Variants in RHOBTB2 observed in about 807,000 individuals in gnomAD.
The protein encoded by RHOBTB2 is Rho related BTB domain containing 2.
In RHOBTB2, 39 loss-of-function variants were observed where a neutral mutation model predicts 66.5. The observed-to-expected ratio is 0.59, with a 90% CI of 0.45 to 0.77. RHOBTB2 has a LOEUF of 0.77. RHOBTB2 is among the 30% of genes least tolerant of loss of function. The probability of loss-of-function intolerance (pLI) is 0.00; values close to 1 mark genes in which losing one functional copy is unlikely to be tolerated. For missense variants in RHOBTB2, 755 were observed against 999.1 expected (o/e 0.76, Z 3.29); for synonymous variants, 390 against 395.0 (o/e 0.99, Z 0.15).
upstream of RHOBTB2, chr8:22,999,492 G>GCCCCCCCC (rs1810690605): frequency 1.5e-6 from 1 of 678,306 alleles, no homozygotes; most frequent in African/African-American, 2.1e-5. Context: ...TTCTTCCCCC[G>GCCCCCCCC]CCCGCCCCCT....
At position 23,017,563 on chromosome 8, in the gene RHOBTB2, CA is replaced by C; in HGVS notation, c.*95del. On this transcript the variant is annotated 3_prime_UTR_variant, in exon 10 of 10. Coordinates refer to ENST00000251822, the MANE Select transcript of RHOBTB2 (RefSeq NM_015178.3). The surrounding 1 kb of genome is among the most constrained non-coding windows in gnomAD (Gnocchi z 5.3). ...ATCACCCCATCCACCTTACAGGGACCAGGGGGCCCACGTAACCAGGACCCAG... is the reference window on the plus strand; with the variant it reads ...ATCACCCCATCCACCTTACAGGGACCGGGGGCCCACGTAACCAGGACCCAG... 1.3e-6 allele frequency: 2 copies of C among 1,511,130 alleles called. No individual in the cohort carries two copies. Among genetic ancestry groups the C allele is most frequent in the Non-Finnish European group, 1.8e-6 (2 of 1,123,698 alleles). The allele number at this position is 1,511,130 out of a possible 1,614,324, so 93.6% of individuals were successfully genotyped here.
At chr8:22,984,924 A>G (rs1810263937), upstream of RHOBTB2, 1 of 147,606 alleles carries the variant, frequency 6.8e-6, no homozygotes, top group Non-Finnish European at 1.5e-5. Flanking sequence ...TCCATCTCAA[A>G]AAAGAAAAAG....
chr8:23,013,647 C>T (rs1304205785), intron 7 of RHOBTB2, among the ~76,000 whole-genome samples: 1 of 151,890 alleles, frequency 6.6e-6, no homozygotes, highest in Admixed American at 6.6e-5. Flanking sequence ...AGGCACGTAC[C>T]AACACACCCG....
At chr8:22,987,240 G>T (rs1810304250), upstream of RHOBTB2, among the ~76,000 whole-genome samples, 1 of 152,220 alleles carries the variant, frequency 6.6e-6, no homozygotes, top group African/African-American at 2.4e-5. Flanking sequence ...CATCAAGAAT[G>T]CTCACCTGGC....
the RHOBTB2 span, among the ~76,000 whole-genome samples, chr8:22,967,993 CAAAA>C: frequency 2.6e-5 from 4 of 152,002 alleles, no homozygotes; most frequent in Non-Finnish European, 5.9e-5. Context: ...CCCATCTCTA[CAAAA>C]ATCACAAAAA....
At chr8:23,009,780 T>G (rs1266021757) in intron 6 of RHOBTB2, among the ~76,000 whole-genome samples, 1 of 152,010 alleles carries the variant, frequency 6.6e-6, no homozygotes, top group South Asian at 2.1e-4. Flanking sequence ...GGAGTAGGAT[T>G]TGGATATACA....
the RHOBTB2 span, among the ~76,000 whole-genome samples, chr8:22,955,046 G>T: frequency 6.6e-6 from 1 of 152,266 alleles, no homozygotes; most frequent in Non-Finnish European, 1.5e-5. Flanking sequence ...CACGAGAATT[G>T]CTTGAACCAG....
chr8:23,013,773 G>A (rs1296419591), intron 7 of RHOBTB2, among the ~76,000 whole-genome samples: 8 of 152,258 alleles, frequency 5.3e-5, no homozygotes, highest in Non-Finnish European at 8.8e-5. Context: ...TGGGAGTATA[G>A]GCGTGAGCCA....
At chr8:23,005,829 G>C (rs1379511732) in intron 3 of RHOBTB2, 131 bp from the exon 4 acceptor site, 1 of 791,224 alleles carries the variant, frequency 1.3e-6, no homozygotes, top group Non-Finnish European at 2.1e-6. Context: ...TATATGTTTT[G>C]TGTCAAGAGC....
intron 9 of RHOBTB2, among the ~76,000 whole-genome samples, chr8:23,016,596 G>T (rs1279636839): frequency 4.6e-5 from 7 of 151,970 alleles, no homozygotes; most frequent in African/African-American, 1.7e-4. Flanking sequence ...TATTTTAGTA[G>T]AGACGGGGTT....
At chr8:23,002,939 G>A (rs535048503) in intron 1 of RHOBTB2, among the ~76,000 whole-genome samples, 1 of 152,294 alleles carries the variant, frequency 6.6e-6, no homozygotes, top group East Asian at 1.9e-4. Flanking sequence ...TGGATATTTC[G>A]GTCTGCATCC....
At chr8:22,996,517 GTGTGTGTGTGTGT>G (rs1810564583), upstream of RHOBTB2, among the ~76,000 whole-genome samples, 1 of 88,396 alleles carries the variant, frequency 1.1e-5, no homozygotes, top group Non-Finnish European at 2.2e-5. Flanking sequence ...GTGTGTGTGT[GTGTGTGTGTGTGT>G]GTGTGTGTGT....
At position 23,007,611 on chromosome 8, in the gene RHOBTB2, G is replaced by A. The variant is rs1165429254; in HGVS notation, c.1366G>A (p.Glu456Lys). 1.9e-6 allele frequency: 3 copies of A among 1,614,170 alleles called. No homozygotes were observed. Among genetic ancestry groups the A allele is most frequent in the Non-Finnish European group, 2.5e-6 (3 of 1,180,020 alleles). The change falls in exon 5 of 10, where the codon GAG becomes AAG. Residue 456 changes from glutamate (E) to lysine (K), a missense_variant. Glu to Lys is a moderately conservative substitution (Grantham distance 56). Coordinates refer to ENST00000251822, the MANE Select transcript of RHOBTB2 (RefSeq NM_015178.3). ...MHIAHIAELL[E>K]VFDLRMMVAN... ...CATTGCCCACATTGCTGAGCTGCTC[G>A]AGGTCTTTGATCTGCGCATGATGGT...
In RHOBTB2 at chr8:22,999,866, C is replaced by A; in HGVS notation, c.-250C>A. On this transcript the variant is annotated 5_prime_UTR_variant, in exon 1 of 10. Coordinates refer to ENST00000251822, the MANE Select transcript of RHOBTB2 (RefSeq NM_015178.3). The stretch of plus-strand genomic sequence containing the variant: ...GGCGATGCTGATCCGGAAGGGGCAG[C>A]GGCTGCAGTGCAGCGCGCGCGTCCG... The A allele has an allele frequency of 1.0e-6, 1 of 984,966 alleles. No homozygotes were observed. The highest frequency in any genetic ancestry group is 1.2e-6 in the Non-Finnish European group (1 of 829,846). 61.0% of individuals were successfully genotyped at this position (984,966 alleles called of 1,614,324 possible). A position where few individuals can be genotyped will look rare whatever the true frequency, so the allele number is the denominator to read the frequency against.
chr8:22,973,302 C>T, the RHOBTB2 span, among the ~76,000 whole-genome samples: 1 of 152,152 alleles, frequency 6.6e-6, no homozygotes, highest in African/African-American at 2.4e-5. Flanking sequence ...GATCATCGCT[C>T]ATTGCACCCT....
intron 6 of RHOBTB2, 83 bp from the exon 7 acceptor site, chr8:23,010,455 A>C: frequency 1.3e-6 from 2 of 1,491,204 alleles, no homozygotes; most frequent in Non-Finnish European, 1.8e-6. Flanking sequence ...TGTGAGGGCC[A>C]GAGCTCTTCA....
chr8:22,999,035 A>C (rs936704066), upstream of RHOBTB2: 2 of 152,148 alleles, frequency 1.3e-5, no homozygotes, highest in African/African-American at 4.8e-5. Flanking sequence ...ACAGGTACCC[A>C]CCCCACAACT....
In RHOBTB2 at chr8:22,999,870, T is replaced by G; in HGVS notation, c.-246T>G. 1.0e-6 allele frequency: 1 copy of G among 984,952 alleles called. No individual in the cohort carries two copies. The highest frequency in any genetic ancestry group is 1.2e-6 in the Non-Finnish European group (1 of 829,816). The allele number at this position is 984,952 out of a possible 1,614,324, so 61.0% of individuals were successfully genotyped here. On this transcript the variant is annotated 5_prime_UTR_variant, in exon 1 of 10. Coordinates refer to ENST00000251822, the MANE Select transcript of RHOBTB2 (RefSeq NM_015178.3). ...ATGCTGATCCGGAAGGGGCAGCGGC[T>G]GCAGTGCAGCGCGCGCGTCCGCTCC... is the stretch of plus-strand genomic sequence containing the variant.
chr8:22,955,300 C>T, the RHOBTB2 span, among the ~76,000 whole-genome samples: 12 of 152,132 alleles, frequency 7.9e-5, no homozygotes, highest in Non-Finnish European at 1.5e-4. Context: ...CAAATGACTC[C>T]GCACTGCAGT....
Sources: allele counts gnomAD v4.1 joint callset (sites outside exome capture counted in the v4.1 genomes callset), GRCh38; gene constraint gnomAD v4.1.1; non-coding constraint Gnocchi (gnomAD v3.1); transcripts MANE v1.5; gene names NCBI Gene and HGNC (gene_info 2026-07-23, HGNC 2026-07-21).